NT5C3A: variants seen among roughly 807,000 people sequenced by gnomAD.
NT5C3A encodes cytosolic 5'-nucleotidase 3A.
In NT5C3A, 23 loss-of-function variants were observed where a neutral mutation model predicts 40.0. That is an observed-to-expected ratio of 0.58 (90% confidence interval 0.41 to 0.81). NT5C3A has a LOEUF of 0.81. Ranked by LOEUF, NT5C3A falls within the 40% of genes least tolerant of loss-of-function variation. The pLI, the probability that NT5C3A is intolerant of heterozygous loss-of-function variation, is 0.00. For missense variants in NT5C3A, 328 were observed against 403.0 expected, an observed-to-expected ratio of 0.81 and a Z score of 1.59; for synonymous variants, 130 against 141.4, an observed-to-expected ratio of 0.92 and a Z score of 0.57.
intron 1 of NT5C3A, among the ~76,000 whole-genome samples, chr7:33,059,377 A>C (rs985677595): frequency 6.6e-6 from 1 of 152,196 alleles, no homozygotes; most frequent in East Asian, 1.9e-4. Flanking sequence ...ATATGACTTA[A>C]AGTGAACTTG....
At chr7:33,036,188 G>C in intron 1 of NT5C3A, 1 of 584,390 alleles carries the variant, frequency 1.7e-6, no homozygotes. Flanking sequence ...GGATGCCTTG[G>C]ATAATCCATT....
chr7:33,024,561 G>A (rs1785813534), intron 2 of NT5C3A, among the ~76,000 whole-genome samples: 1 of 152,106 alleles, frequency 6.6e-6, no homozygotes, highest in Admixed American at 6.6e-5. Flanking sequence ...AAGGGTGGGA[G>A]GGTTGGTGAG....
chr7:33,043,227 A>G (rs531419438), intron 1 of NT5C3A, among the ~76,000 whole-genome samples: 1 of 152,320 alleles, frequency 6.6e-6, no homozygotes, highest in East Asian at 1.9e-4. Flanking sequence ...ATGGTCTACT[A>G]CTGATTGAAA....
At chr7:33,062,093 C>T (rs1271072294) in intron 1 of NT5C3A, among the ~76,000 whole-genome samples, 1 of 152,128 alleles carries the variant, frequency 6.6e-6, no homozygotes, top group Non-Finnish European at 1.5e-5. Context: ...CATAATCTAA[C>T]TCACGGCAGC....
At chr7:33,025,435 T>C (rs1785868391) in intron 2 of NT5C3A, among the ~76,000 whole-genome samples, 1 of 152,210 alleles carries the variant, frequency 6.6e-6, no homozygotes, top group South Asian at 2.1e-4. Flanking sequence ...TTAAATATTA[T>C]TTTTCAGAAA....
At chr7:33,027,059 C>G (rs945656793) in intron 1 of NT5C3A, 144 bp from the exon 2 acceptor site, 5 of 598,610 alleles carry the variant, frequency 8.4e-6, no homozygotes, top group Non-Finnish European at 1.5e-5. Context: ...ATCAAATTAC[C>G]GTTTATTTAT....
rs70989927 is a variant in NT5C3A, at chr7:33,056,473, C to CAAAAAAAAAAA, written c.138+6084_138+6094dup. Among the ~76,000 whole-genome samples the CAAAAAAAAAAA allele has an allele frequency of 2.3e-4, 10 of 43,716 alleles. 2 individuals are homozygous for CAAAAAAAAAAA. Among genetic ancestry groups the CAAAAAAAAAAA allele is most frequent in the South Asian group, 1.1e-3 (1 of 894 alleles). 28.7% of individuals were successfully genotyped at this position (43,716 alleles called of 152,430 possible). ...GCAAATAGTGAGACCCCGTCTCTACCAAAAAAAAAAAAAAAAAAAAAAAAA... is the reference window on the plus strand; with the variant it reads ...GCAAATAGTGAGACCCCGTCTCTACCAAAAAAAAAAAAAAAAAAAAAAAAAAAAAAAAAAAA... On this transcript the variant is annotated intron_variant, in intron 1 of 8. Transcript: ENST00000610140.
chr7:33,031,999 C>G (rs981817460), intron 1 of NT5C3A, among the ~76,000 whole-genome samples: 5 of 69,640 alleles, frequency 7.2e-5, no homozygotes, highest in Non-Finnish European at 1.5e-4. Context: ...GTAGCACATG[C>G]CTGTAATCCC....
At chr7:33,056,345 T>C (rs1223336466) in intron 1 of NT5C3A, among the ~76,000 whole-genome samples, 1 of 151,492 alleles carries the variant, frequency 6.6e-6, no homozygotes, top group African/African-American at 2.4e-5. Flanking sequence ...TGGAGATATT[T>C]TAAAAGTCTG....
rs141740455 is a variant in NT5C3A, at chr7:33,062,419, C to T, written c.138+149G>A. 1,500 of 675,990 alleles carry T rather than the reference C, an allele frequency of 2.2e-3. 1 individual carries two copies. The highest frequency in any genetic ancestry group is 3.0e-3 in the Non-Finnish European group (1,250 of 414,802). 41.9% of individuals were successfully genotyped at this position (675,990 alleles called of 1,614,324 possible). ...GGGCGGCCGGGTCCCCCAAGCTGCG[C>T]GTCCCGAGCTAGCGAGATCCCAGCC... On this transcript the variant is annotated intron_variant, in intron 1 of 8. Coordinates refer to ENST00000610140, the MANE Select transcript of NT5C3A (RefSeq NM_001002010.5).
chr7:33,053,656 A>G (rs1026112576), intron 1 of NT5C3A, among the ~76,000 whole-genome samples: 6 of 151,942 alleles, frequency 3.9e-5, no homozygotes, highest in Admixed American at 1.3e-4. Context: ...CTGTGATCCC[A>G]TTTCTTAAAA....
intron 1 of NT5C3A, among the ~76,000 whole-genome samples, chr7:33,049,424 C>T (rs1402885829): frequency 6.6e-6 from 1 of 152,022 alleles, no homozygotes; most frequent in African/African-American, 2.4e-5. Context: ...TTTCAAAGAC[C>T]ACCCCATTCC....
intron 1 of NT5C3A, among the ~76,000 whole-genome samples, chr7:33,052,053 T>A (rs952728039): frequency 2.6e-5 from 4 of 152,076 alleles, no homozygotes; most frequent in Non-Finnish European, 5.9e-5. Context: ...AAACAGCTTC[T>A]AAAGTTTTTG....
chr7:33,050,205 G>A (rs148903249), intron 1 of NT5C3A, among the ~76,000 whole-genome samples: 3 of 152,242 alleles, frequency 2.0e-5, no homozygotes, highest in East Asian at 3.9e-4. Flanking sequence ...CTTGGTCAAC[G>A]TAGGCACCTC....
rs141651499 is a variant in NT5C3A, at chr7:33,021,306, T to C, written c.406A>G (p.Thr136Ala). Residue 136 changes from threonine (T) to alanine (A), a missense_variant, in exon 5 of 9, where the codon ACT (threonine) becomes GCT (alanine). This residue lies in a region of NT5C3A where 280 missense variants were observed against 317.2 expected (regional missense o/e 0.88). Coordinates refer to ENST00000610140, the MANE Select transcript of NT5C3A (RefSeq NM_001002010.5). ...ATATAAGGGTACTTCTCTTCTACAGTAAGAACAGGATCAACTTCAATAGCG... is the reference window on the plus strand; with the variant it reads ...ATATAAGGGTACTTCTCTTCTACAGCAAGAACAGGATCAACTTCAATAGCG... Reference protein sequence around the residue: ...YYAIEVDPVLTVEEKYPYMVE... With the variant: ...YYAIEVDPVLAVEEKYPYMVE... The C allele has an allele frequency of 7.0e-5, 113 of 1,612,334 alleles. No individual in the cohort carries two copies. The highest frequency in any genetic ancestry group is 2.0e-4 in the African/African-American group (15 of 74,870).
At chr7:33,034,383 G>A (rs1238820320) in intron 1 of NT5C3A, among the ~76,000 whole-genome samples, 1 of 152,040 alleles carries the variant, frequency 6.6e-6, no homozygotes, top group Non-Finnish European at 1.5e-5. Context: ...ATTATACAAA[G>A]AGGATTAACA....
chr7:33,031,025 G>A (rs1038360649), intron 1 of NT5C3A, among the ~76,000 whole-genome samples: 3 of 151,544 alleles, frequency 2.0e-5, no homozygotes, highest in Admixed American at 6.6e-5. Context: ...CATGAACCCC[G>A]GGGGGCGGAG....
chr7:33,048,411 T>C (rs1334953305), intron 1 of NT5C3A, among the ~76,000 whole-genome samples: 3 of 152,048 alleles, frequency 2.0e-5, no homozygotes, highest in Admixed American at 6.6e-5. Flanking sequence ...TACTCATGAG[T>C]CCAATTATTA....
chr7:33,052,193 T>A (rs995008281), intron 1 of NT5C3A, among the ~76,000 whole-genome samples: 4 of 152,074 alleles, frequency 2.6e-5, no homozygotes, highest in Admixed American at 1.3e-4. Flanking sequence ...CTTTTTAAAA[T>A]GTTAACATAG....
Sources: allele counts gnomAD v4.1 joint callset (sites outside exome capture counted in the v4.1 genomes callset), GRCh38; gene constraint gnomAD v4.1.1; regional missense constraint gnomAD v4.1.1; transcripts MANE v1.5; gene names NCBI Gene and HGNC (gene_info 2026-07-23, HGNC 2026-07-21).